The following KPNA3 variants were observed in gnomAD, a reference collection of about 807,000 sequenced individuals.
KPNA3 encodes the protein karyopherin subunit alpha 3.
A neutral mutation model predicts 73.8 loss-of-function variants in KPNA3; 13 were observed. That is an observed-to-expected ratio of 0.18 (90% CI 0.11 to 0.28). KPNA3 has a LOEUF of 0.28. KPNA3 is among the 10% of genes least tolerant of loss of function. The pLI is 1.00. For synonymous variants in KPNA3, 186 were observed against 206.9 expected (o/e 0.90, Z 0.87); for missense variants, 360 against 618.1 (o/e 0.58, Z 4.43).
intron 12 of KPNA3, 75 bp downstream of exon 12, chr13:49,709,497 A>T (rs1053197964): frequency 8.1e-6 from 10 of 1,229,714 alleles, no homozygotes; most frequent in Non-Finnish European, 1.1e-5. Flanking sequence ...ACATACAAGT[A>T]GCAATAGAAA....
intron 14 of KPNA3, 21 bp downstream of exon 14, chr13:49,706,077 G>A: frequency 6.2e-7 from 1 of 1,602,104 alleles, no homozygotes; most frequent in Non-Finnish European, 8.5e-7. Context: ...AATCATGACA[G>A]TTACAGGTTT....
At chr13:49,786,659 G>T (rs1482879287) in intron 1 of KPNA3, among the ~76,000 whole-genome samples, 2 of 152,084 alleles carry the variant, frequency 1.3e-5, no homozygotes, top group Non-Finnish European at 2.9e-5. Context: ...ATATACAAAG[G>T]CATGAAGAAG....
At chr13:49,758,945 TA>T (rs1347628411) in intron 1 of KPNA3, among the ~76,000 whole-genome samples, 7 of 152,088 alleles carry the variant, frequency 4.6e-5, no homozygotes, top group Admixed American at 2.0e-4. Flanking sequence ...TCATTCCAAC[TA>T]ATGGGCAGAA....
At chr13:49,761,225 GTCTCCCTCTCCCTCTCCCCACAGTCTCCC>G (rs1329798605) in intron 1 of KPNA3, among the ~76,000 whole-genome samples, 3 of 151,284 alleles carry the variant, frequency 2.0e-5, no homozygotes, top group African/African-American at 4.9e-5. Context: ...TCTCCCCACG[GTCTCCCTCTCCCTCTCCCCACAGTCTCCC>G]TCTCCCTCTC....
At chr13:49,732,696 A>C in intron 4 of KPNA3, 39 bp from the exon 5 acceptor site, 1 of 1,598,546 alleles carries the variant, frequency 6.3e-7, no homozygotes, top group Non-Finnish European at 8.6e-7. Flanking sequence ...TGAAAAAAAA[A>C]AAATCAATTT....
chr13:49,716,586 G>A (rs1003129629), intron 10 of KPNA3, among the ~76,000 whole-genome samples: 6 of 151,896 alleles, frequency 4.0e-5, no homozygotes, highest in Admixed American at 1.3e-4. Context: ...TTACAGGCAC[G>A]CATCATGATG....
chr13:49,778,240 G>A (rs1566360796), intron 1 of KPNA3, among the ~76,000 whole-genome samples: 1 of 152,246 alleles, frequency 6.6e-6, no homozygotes, highest in Non-Finnish European at 1.5e-5. Flanking sequence ...AACTATAAAT[G>A]TATCTAAATG....
At chr13:49,775,266 A>T (rs560210872) in intron 1 of KPNA3, among the ~76,000 whole-genome samples, 2 of 152,116 alleles carry the variant, frequency 1.3e-5, no homozygotes, top group African/African-American at 4.8e-5. Context: ...ACCAGGAGAG[A>T]AATATTTAGT....
At chr13:49,727,462 A>G (rs1456180267) in intron 6 of KPNA3, among the ~76,000 whole-genome samples, 1 of 151,636 alleles carries the variant, frequency 6.6e-6, no homozygotes, top group East Asian at 1.9e-4. Flanking sequence ...AAAAAAAAAA[A>G]AGAAAGAAAA....
At chr13:49,751,538 T>C (rs9535320) in intron 1 of KPNA3, among the ~76,000 whole-genome samples, 31,321 of 152,146 alleles carry the variant, frequency 0.21, 3,597 homozygotes, top group Middle Eastern at 0.27. Context: ...GTGTCAATGA[T>C]TTTTTTCATC....
At chr13:49,707,879 A>G (rs1298869981) in intron 12 of KPNA3, among the ~76,000 whole-genome samples, 2 of 152,166 alleles carry the variant, frequency 1.3e-5, no homozygotes, top group Non-Finnish European at 2.9e-5. Context: ...CAACTATACA[A>G]ATATAGTTAT....
chr13:49,773,240 G>A (rs1196115700), intron 1 of KPNA3, among the ~76,000 whole-genome samples: 2 of 152,178 alleles, frequency 1.3e-5, no homozygotes, highest in Non-Finnish European at 2.9e-5. Context: ...AAAGGGATAT[G>A]GAGGAACTTT....
chr13:49,743,083 C>T (rs183399983), intron 2 of KPNA3, among the ~76,000 whole-genome samples: 6 of 152,206 alleles, frequency 3.9e-5, no homozygotes, highest in Non-Finnish European at 7.4e-5. Context: ...TGGTTATTAT[C>T]TGCACTTTAG....
At chr13:49,762,736 G>A (rs918996674) in intron 1 of KPNA3, among the ~76,000 whole-genome samples, 4 of 151,726 alleles carry the variant, frequency 2.6e-5, no homozygotes, top group Non-Finnish European at 5.9e-5. Context: ...GCGGTAGGCC[G>A]CAGGGTCCTC....
intron 10 of KPNA3, among the ~76,000 whole-genome samples, chr13:49,719,061 C>T (rs771884813): frequency 6.6e-6 from 1 of 152,026 alleles, no homozygotes; most frequent in Non-Finnish European, 1.5e-5. Context: ...CGAAATTTAT[C>T]CACTGTTTTA....
chr13:49,788,715 C>T (rs932392525), intron 1 of KPNA3, among the ~76,000 whole-genome samples: 2 of 101,780 alleles, frequency 2.0e-5, no homozygotes, highest in Non-Finnish European at 3.8e-5. Context: ...GAGCCAGACC[C>T]TCTTTTTTTT....
intron 11 of KPNA3, among the ~76,000 whole-genome samples, chr13:49,710,244 A>C (rs1954248060): frequency 1.3e-5 from 2 of 152,228 alleles, no homozygotes; most frequent in African/African-American, 2.4e-5. Context: ...CTTGGGCGAC[A>C]GAACAAGACT....
At position 49,728,797 on chromosome 13, in the gene KPNA3, C is replaced by A. The variant is rs191490841; in HGVS notation, c.384-3296G>T. On this transcript the variant is annotated intron_variant, in intron 6 of 16. Transcript: ENST00000261667. ...AGAAAAAAGCCTGAGAGAGCTTTAC[C>A]AGAGAGTCTTTCTCCACCACAATGT... Among the ~76,000 whole-genome samples, 43 of 152,246 alleles carry A rather than the reference C, an allele frequency of 2.8e-4. No individual in the cohort carries two copies. In the East Asian group the frequency reaches 8.1e-3, roughly 29 times the overall value.
intron 1 of KPNA3, among the ~76,000 whole-genome samples, chr13:49,770,475 T>C (rs1250789859): frequency 6.6e-6 from 1 of 152,118 alleles, no homozygotes; most frequent in Non-Finnish European, 1.5e-5. Flanking sequence ...CCACTATGCC[T>C]GGCCACTTTT....
Sources: allele counts gnomAD v4.1 joint callset (sites outside exome capture counted in the v4.1 genomes callset), GRCh38; gene constraint gnomAD v4.1.1; transcripts MANE v1.5; gene names NCBI Gene and HGNC (gene_info 2026-07-23, HGNC 2026-07-21).